Variants in BACE2 observed in about 807,000 individuals in gnomAD.
BACE2 encodes the protein beta-secretase 2.
Under a neutral mutation model 46.2 loss-of-function variants are expected in BACE2, and 17 were observed. The ratio of observed to expected loss-of-function variants is 0.37; its 90% CI spans 0.25 to 0.55. The LOEUF (loss-of-function observed/expected upper bound fraction) is 0.55. BACE2 is among the 20% of genes least tolerant of loss of function. The pLI is 0.82. For synonymous variants in BACE2, 277 were observed against 295.9 expected (o/e 0.94, Z 0.66); for missense variants, 595 against 698.1 (o/e 0.85, Z 1.66).
At chr21:41,271,264 T>C (rs181674097) in intron 8 of BACE2, among the ~76,000 whole-genome samples, 114 of 150,408 alleles carry the variant, frequency 7.6e-4, no homozygotes, top group African/African-American at 2.7e-3. Flanking sequence ...CTCTGTTTTT[T>C]AGTTGTGATG....
At chr21:41,263,367 G>A (rs538301382) in intron 8 of BACE2, among the ~76,000 whole-genome samples, 4 of 152,234 alleles carry the variant, frequency 2.6e-5, no homozygotes, top group Admixed American at 1.3e-4. Context: ...AATAACTTAA[G>A]TAATACATAC....
chr21:41,247,311 G>A lies in BACE2; in HGVS notation c.984+1248G>A, dbSNP rs111537652. 3.9e-4 allele frequency among the ~76,000 whole-genome samples: 59 copies of A among 152,234 alleles called. 1 individual carries two copies. In the East Asian group the frequency reaches 6.8e-3, roughly 17 times the overall value. On this transcript the variant is annotated intron_variant, in intron 6 of 8. Transcript: ENST00000330333. Reference sequence around the variant, plus strand: ...GCAGGAAAGGACGCGGGCTCTTTTCGAAGCAGCAGGTCTCAAGGCGGCCAG... The same window carrying A: ...GCAGGAAAGGACGCGGGCTCTTTTCAAAGCAGCAGGTCTCAAGGCGGCCAG...
At position 41,168,410 on chromosome 21, in the gene BACE2, C is replaced by T. The variant is rs1984459700; in HGVS notation, c.147C>T (p.Pro49=). 2 of 1,414,856 alleles carry T rather than the reference C, an allele frequency of 1.4e-6. No individual in the cohort carries two copies. The highest frequency in any genetic ancestry group is 1.5e-5 in the African/African-American group (1 of 66,264). The allele number at this position is 1,414,856 out of a possible 1,614,324, so 87.6% of individuals were successfully genotyped here. ...TNRVVAPTPG[P]GTPAERHADG... ...GCGTAGTTGCGCCCACCCCGGGACC[C>T]GGGACCCCTGCCGAGCGCCACGCCG... The change falls in exon 1 of 9, where the codon CCC becomes CCT. Residue 49 remains proline, a synonymous_variant. Transcript: ENST00000330333.
intron 8 of BACE2, among the ~76,000 whole-genome samples, chr21:41,260,601 T>G (rs1457433990): frequency 1.3e-5 from 2 of 152,206 alleles, no homozygotes; most frequent in Non-Finnish European, 2.9e-5. Flanking sequence ...TCCCTCACCA[T>G]TTGGACCTCA....
chr21:41,175,355 G>T (rs989722449), intron 1 of BACE2: 5 of 152,246 alleles, frequency 3.3e-5, no homozygotes, highest in African/African-American at 1.2e-4. Flanking sequence ...GATGCCCTGG[G>T]CAGCTCCATC....
At chr21:41,257,368 CCTTTATGTAAATGTGCTGA>C in intron 8 of BACE2, 42 bp downstream of exon 8, 1 of 1,601,446 alleles carries the variant, frequency 6.2e-7, no homozygotes, top group Non-Finnish European at 8.5e-7. Flanking sequence ...CGACAAGAGT[CCTTTATGTAAATGTGCTGA>C]CTTGGAAGCA....
At chr21:41,246,216 T>C in intron 6 of BACE2, 153 bp downstream of exon 6, 1 of 410,194 alleles carries the variant, frequency 2.4e-6, no homozygotes, top group East Asian at 3.7e-5. Flanking sequence ...TGTAATAGTA[T>C]AGGTGTAATA....
At position 41,235,305 on chromosome 21, in the gene BACE2, T is replaced by C. The variant is rs996709209; in HGVS notation, c.402-2208T>C. On this transcript the variant is annotated intron_variant, in intron 2 of 8. Transcript: ENST00000330333. ...CTTAGAAAAAGAAACATTTTTCCCT[T>C]GGCACATAATAGCGCATCATATGGA... Among the ~76,000 whole-genome samples the C allele has an allele frequency of 3.2e-4, 49 of 152,230 alleles. 1 individual carries two copies.
At chr21:41,221,934 G>A (rs571743582) in intron 1 of BACE2, among the ~76,000 whole-genome samples, 2 of 152,316 alleles carry the variant, frequency 1.3e-5, no homozygotes, top group South Asian at 4.1e-4. Flanking sequence ...CCCTGTCAGA[G>A]GGAGGCTTCA....
chr21:41,226,460 G>T, intron 2 of BACE2, 106 bp downstream of exon 2: 1 of 978,678 alleles, frequency 1.0e-6, no homozygotes, highest in East Asian at 2.4e-5. Flanking sequence ...TCATTTTAAG[G>T]GGGATACCAA....
chr21:41,230,419 G>A (rs1986938173), intron 2 of BACE2, among the ~76,000 whole-genome samples: 2 of 152,186 alleles, frequency 1.3e-5, no homozygotes, highest in Admixed American at 1.3e-4. Context: ...ATGCTTTCGT[G>A]TAACTTTAGA....
rs746549936 is a variant in BACE2 at position 41,275,566 on chromosome 21, C to T, written c.1499C>T (p.Pro500Leu). 22 of 1,613,922 alleles carry T rather than the reference C, an allele frequency of 1.4e-5. 1 individual carries two copies. The East Asian group carries it at 4.9e-4, about 36-fold the overall frequency. The change falls in exon 9 of 9, where the codon CCC becomes CTC. Residue 500 changes from proline (P) to leucine (L), a missense_variant. Physicochemically the swap from Pro to Leu is moderately conservative, Grantham distance 98. Transcript: ENST00000330333. ...CTGCCGTTCCGGTGTCAGCGTCGCC[C>T]CCGTGACCCTGAGGTCGTCAATGAT... ...LLLPFRCQRR[P>L]RDPEVVNDES...
intron 3 of BACE2, 139 bp from the exon 4 acceptor site, chr21:41,241,680 C>T (rs747189872): frequency 3.2e-5 from 30 of 948,706 alleles, no homozygotes; most frequent in Non-Finnish European, 4.4e-5. Flanking sequence ...GACCCAATCA[C>T]AAGCTGGTGT....
At chr21:41,202,137 T>G (rs1214579119) in intron 1 of BACE2, among the ~76,000 whole-genome samples, 1 of 152,258 alleles carries the variant, frequency 6.6e-6, no homozygotes, top group East Asian at 1.9e-4. Flanking sequence ...TGATCAGGCA[T>G]GACCGTAGTG....
At chr21:41,237,989 G>C (rs970297664) in intron 3 of BACE2, among the ~76,000 whole-genome samples, 5 of 152,256 alleles carry the variant, frequency 3.3e-5, no homozygotes, top group Non-Finnish European at 7.3e-5. Flanking sequence ...AGTTTAAAAT[G>C]TTAACAGAAT....
At chr21:41,180,968 G>C (rs1985100088) in intron 1 of BACE2, 1 of 167,110 alleles carries the variant, frequency 6.0e-6, no homozygotes, top group Non-Finnish European at 1.5e-5. Flanking sequence ...TCTAGGATTT[G>C]AGCCAAGTTC....
intron 1 of BACE2, chr21:41,178,972 G>T: frequency 5.9e-6 from 4 of 675,878 alleles, no homozygotes; most frequent in Non-Finnish European, 8.5e-6. Flanking sequence ...TCTCTGAGGA[G>T]GTGCAATTTG....
intron 2 of BACE2, 152 bp from the exon 3 acceptor site, chr21:41,237,361 G>A (rs1431435682): frequency 1.6e-5 from 7 of 424,902 alleles, no homozygotes; most frequent in South Asian, 4.0e-5. Flanking sequence ...CAGGAGAATC[G>A]CTTGAACCCG....
At chr21:41,178,941 T>G in intron 1 of BACE2, 1 of 435,282 alleles carries the variant, frequency 2.3e-6, no homozygotes, top group Non-Finnish European at 3.8e-6. Context: ...TCCTGCTTTA[T>G]AAGGGCGGTT....
Sources: allele counts gnomAD v4.1 joint callset (sites outside exome capture counted in the v4.1 genomes callset), GRCh38; gene constraint gnomAD v4.1.1; transcripts MANE v1.5; gene names NCBI Gene and HGNC (gene_info 2026-07-23, HGNC 2026-07-21).